Variants in ZNF721 observed in about 807,000 individuals in gnomAD.
The protein encoded by ZNF721 is zinc finger protein 721.
Under a neutral mutation model 2.4 loss-of-function variants are expected in ZNF721, and 2 were observed. That is an observed-to-expected ratio of 0.82 (90% CI 0.34 to 2.58). ZNF721 has a LOEUF of 2.58. Among genes scored for constraint, ZNF721 ranks in the 30% most tolerant of loss-of-function variants. ZNF721 has a pLI of 0.11. For missense variants in ZNF721, 1,187 were observed against 1,085.5 expected (o/e 1.09, Z -1.31); for synonymous variants, 398 against 381.8 (o/e 1.04, Z -0.50).
chr4:484,413 G>C (rs1553869930), intron 1 of ZNF721, among the ~76,000 whole-genome samples: 5 of 152,256 alleles, frequency 3.3e-5, no homozygotes. Context: ...GGGAATAAGA[G>C]AGATAACCTT....
chr4:472,006 T>C lies in ZNF721; in HGVS notation c.34+569A>G, dbSNP rs185742547. 1.0e-3 allele frequency among the ~76,000 whole-genome samples: 159 copies of C among 152,358 alleles called. 2 individuals are homozygous for C. The South Asian group carries it at 0.013, about 13-fold the overall frequency. On this transcript the variant is annotated intron_variant, in intron 2 of 2. Transcript: ENST00000511833. ...GCAACTTTATATGAAGCAATGTTGC[T>C]ATATACCAAACATAACTCGTTTGTA... is the stretch of plus-strand genomic sequence containing the variant.
intron 1 of ZNF721, among the ~76,000 whole-genome samples, chr4:485,532 C>T (rs542061619): frequency 2.6e-5 from 4 of 152,090 alleles, no homozygotes; most frequent in South Asian, 4.1e-4. Flanking sequence ...ACTGAAAGGC[C>T]GCAACTCAAC....
intron 1 of ZNF721, among the ~76,000 whole-genome samples, chr4:497,428 A>T (rs904164885): frequency 6.6e-6 from 1 of 151,996 alleles, no homozygotes; most frequent in Non-Finnish European, 1.5e-5. Flanking sequence ...TATCAATGTC[A>T]ATCGAGAAAA....
chr4:447,682 A>T (rs1375852918), intron 2 of ZNF721, among the ~76,000 whole-genome samples: 1 of 152,250 alleles, frequency 6.6e-6, no homozygotes, highest in African/African-American at 2.4e-5. Flanking sequence ...ATTTAAAAAG[A>T]CTGAAAAAGG....
intron 1 of ZNF721, among the ~76,000 whole-genome samples, chr4:485,594 C>T (rs1172829178): frequency 3.3e-5 from 5 of 152,104 alleles, no homozygotes; most frequent in African/African-American, 7.2e-5. Context: ...ACTGGTCCTC[C>T]GAAAGATGTT....
intron 2 of ZNF721, among the ~76,000 whole-genome samples, chr4:465,203 C>T (rs1363190334): frequency 1.3e-5 from 2 of 151,482 alleles, no homozygotes; most frequent in Non-Finnish European, 2.9e-5. Flanking sequence ...AGCAACATAG[C>T]AAAACCCTGT....
Position 497,004 on chromosome 4 carries a change from G to A in ZNF721, c.-94+2052C>T, listed in dbSNP as rs1400460084. Among the ~76,000 whole-genome samples the A allele has an allele frequency of 2.0e-5, 3 of 151,984 alleles. No homozygotes were observed. The East Asian group carries it at 5.8e-4, about 30-fold the overall frequency. ...TGGGATTACAGGCGTGAGCCACCGC[G>A]CCCAGCCTATGACTTCTGAACGCTC... is the stretch of plus-strand genomic sequence containing the variant. On this transcript the variant is annotated intron_variant, in intron 1 of 2. Transcript: ENST00000511833.
intron 2 of ZNF721, among the ~76,000 whole-genome samples, chr4:465,750 A>C (rs1469784877): frequency 3.3e-5 from 5 of 151,260 alleles, no homozygotes; most frequent in African/African-American, 7.3e-5. Flanking sequence ...CGCTTTTATA[A>C]TTATGAGATA....
rs371164393 is a variant in ZNF721, at chr4:443,349, T to C, written c.1118A>G (p.Tyr373Cys). 6 of 1,613,822 alleles carry C rather than the reference T, an allele frequency of 3.7e-6. No individual in the cohort carries two copies. Among genetic ancestry groups the C allele is most frequent in the Non-Finnish European group, 5.1e-6 (6 of 1,179,910 alleles). The change falls in exon 3 of 3, where the codon TAC (tyrosine) becomes TGC (cysteine). Residue 373 changes from tyrosine (Y) to cysteine (C), a missense_variant. Physicochemically the swap from Tyr to Cys is radical, Grantham distance 194. Coordinates refer to ENST00000511833, the MANE Select transcript of ZNF721 (RefSeq NM_133474.4). ...TTTCTTGTGTTGATTCAGGGCTGTGTACCGTCCAAAGGCTTTGCCACAGTC... is the reference window on the plus strand; with the variant it reads ...TTTCTTGTGTTGATTCAGGGCTGTGCACCGTCCAAAGGCTTTGCCACAGTC... ...CEDCGKAFGR[Y>C]TALNQHKKIH... is the part of the protein sequence containing the mutation.
chr4:454,767 C>T (rs1298304600), intron 2 of ZNF721, among the ~76,000 whole-genome samples: 1 of 152,210 alleles, frequency 6.6e-6, no homozygotes, highest in Non-Finnish European at 1.5e-5. Context: ...CACCAAATCC[C>T]GGAATGGGCT....
At chr4:450,791 G>T (rs1417941223) in intron 2 of ZNF721, among the ~76,000 whole-genome samples, 1 of 151,342 alleles carries the variant, frequency 6.6e-6, no homozygotes, top group African/African-American at 2.4e-5. Flanking sequence ...CAAAAAATTA[G>T]ATGGGCATGG....
Position 444,112 on chromosome 4 carries a change from G to C in ZNF721, c.355C>G (p.Gln119Glu), listed in dbSNP as rs781890537. The C allele has an allele frequency of 5.0e-6, 8 of 1,613,958 alleles. No homozygotes were observed. Among genetic ancestry groups the C allele is most frequent in the African/African-American group, 1.3e-5 (1 of 74,910 alleles). The change falls in exon 3 of 3, where the codon CAG becomes GAG. Residue 119 changes from glutamine (Q) to glutamate (E), a missense_variant. Gln to Glu is a conservative substitution (Grantham distance 29). Coordinates refer to ENST00000511833, the MANE Select transcript of ZNF721 (RefSeq NM_133474.4). ...TGTTGAGTTAGGTCTGAGAACTTCT[G>C]AAATGACTTGCCACATTCGTTACAT... is the stretch of plus-strand genomic sequence containing the variant. ...FKCNECGKSF[Q>E]KFSDLTQHKG... is the part of the protein sequence containing the mutation.
rs782011031 is a variant in ZNF721 at position 443,875 on chromosome 4, G to T, written c.592C>A (p.Arg198Ser). 1 of 1,613,710 alleles carries T rather than the reference G, an allele frequency of 6.2e-7. No homozygotes were observed. Among genetic ancestry groups the T allele is most frequent in the Non-Finnish European group, 8.5e-7 (1 of 1,179,882 alleles). ...NREKAYTGEDRDRAFGWSTNL... is the reference protein window; with the variant it reads ...NREKAYTGEDSDRAFGWSTNL... The stretch of plus-strand genomic sequence containing the variant: ...GTGGACCATCCAAAGGCTCTGTCAC[G>T]ATCTTCACCTGTGTAAGCTTTCTCT... Residue 198 changes from arginine (R) to serine (S), a missense_variant, in exon 3 of 3, where the codon CGT becomes AGT. Arg to Ser is a moderately radical substitution (Grantham distance 110). Transcript: ENST00000511833.
intron 1 of ZNF721, among the ~76,000 whole-genome samples, chr4:482,123 C>T (rs1432316249): frequency 6.6e-6 from 1 of 152,154 alleles, no homozygotes; most frequent in Non-Finnish European, 1.5e-5. Flanking sequence ...TCCCACAGGT[C>T]GCATATTGCA....
chr4:449,078 G>T (rs1714568181), intron 2 of ZNF721, among the ~76,000 whole-genome samples: 2 of 152,106 alleles, frequency 1.3e-5, no homozygotes, highest in South Asian at 4.1e-4. Context: ...CCAGAAAATA[G>T]AAAAAGTAGG....
chr4:441,685 G>C lies in ZNF721; in HGVS notation c.*10C>G, dbSNP rs149055249. ...TGCTGTAGTATGACTTAAAGGCTTT[G>C]CCACATTCTTTACACTTGTATGGTT... On this transcript the variant is annotated 3_prime_UTR_variant, in exon 3 of 3. Coordinates refer to ENST00000511833, the MANE Select transcript of ZNF721 (RefSeq NM_133474.4). The C allele has an allele frequency of 1.3e-6, 2 of 1,589,424 alleles. No individual in the cohort carries two copies. Among genetic ancestry groups the C allele is most frequent in the Non-Finnish European group, 1.7e-6 (2 of 1,165,962 alleles).
In ZNF721 at chr4:486,198, C is replaced by T. The variant is rs1222899505; in HGVS notation, c.-94+12858G>A. 6.9e-5 allele frequency among the ~76,000 whole-genome samples: 10 copies of T among 145,768 alleles called. No individual in the cohort carries two copies. In the East Asian group the frequency reaches 1.2e-3, roughly 18 times the overall value. On this transcript the variant is annotated intron_variant, in intron 1 of 2. Transcript: ENST00000511833. ...TTTTTGAGACGGAGTCTCGCTCTGT[C>T]GCCCAGGCTGCATGCAGTGGCGCGA...
At chr4:479,205 C>G (rs1715712388) in intron 1 of ZNF721, among the ~76,000 whole-genome samples, 1 of 152,206 alleles carries the variant, frequency 6.6e-6, no homozygotes, top group South Asian at 2.1e-4. Context: ...TTCTGTAGCA[C>G]ACAGTCACGA....
rs77252510 is a variant in ZNF721 at position 449,457 on chromosome 4, T to C, written c.35-5025A>G. Among the ~76,000 whole-genome samples the C allele has an allele frequency of 4.1e-3, 625 of 152,194 alleles. 8 individuals carry two copies. The highest frequency in any genetic ancestry group is 0.014 in the African/African-American group (587 of 41,544). ...TAAAAAAGTCAATCACAAATAAAGA[T>C]TTAAATGGGAAACCCAAATAAAGCT... On this transcript the variant is annotated intron_variant, in intron 2 of 2. Coordinates refer to ENST00000511833, the MANE Select transcript of ZNF721 (RefSeq NM_133474.4).
Sources: allele counts gnomAD v4.1 joint callset (sites outside exome capture counted in the v4.1 genomes callset), GRCh38; gene constraint gnomAD v4.1.1; transcripts MANE v1.5; gene names NCBI Gene and HGNC (gene_info 2026-07-23, HGNC 2026-07-21).